Variants in PITPNC1 observed in about 807,000 individuals in gnomAD.
The protein encoded by PITPNC1 is cytoplasmic phosphatidylinositol transfer protein 1.
Under a neutral mutation model 44.7 loss-of-function variants are expected in PITPNC1, and 18 were observed. The ratio of observed to expected loss-of-function variants is 0.40; its 90% CI spans 0.28 to 0.60. The LOEUF is 0.60. Ranked by LOEUF, PITPNC1 falls within the 20% of genes least tolerant of loss-of-function variation. The probability of loss-of-function intolerance (pLI) is 0.39; values close to 1 mark genes in which losing one functional copy is unlikely to be tolerated. For synonymous variants in PITPNC1, 141 were observed against 149.6 expected, an observed-to-expected ratio of 0.94 and a Z score of 0.42; for missense variants, 290 against 418.4, an observed-to-expected ratio of 0.69 and a Z score of 2.68.
intron 6 of PITPNC1, among the ~76,000 whole-genome samples, chr17:67,636,276 C>T (rs1029410719): frequency 7.8e-6 from 1 of 128,384 alleles, no homozygotes; most frequent in African/African-American, 3.3e-5. Context: ...TGCGAGACTC[C>T]GTTTCAAAAA....
At chr17:67,664,633 G>A (rs762676184) in intron 6 of PITPNC1, among the ~76,000 whole-genome samples, 7 of 152,170 alleles carry the variant, frequency 4.6e-5, no homozygotes, top group Non-Finnish European at 8.8e-5. Flanking sequence ...GTCAGGCATG[G>A]TGGCTTACGC....
At position 67,492,467 on chromosome 17, in the gene PITPNC1, CT is replaced by C. The variant is rs143825092; in HGVS notation, c.49-40334del. ...AAAGAGGCAACAAACGGGTGGTCCC[CT>C]CGTGCCTTTGGAGGGAGCCTGGCCC... On this transcript the variant is annotated intron_variant, in intron 1 of 8. Coordinates refer to ENST00000581322, the MANE Select transcript of PITPNC1 (RefSeq NM_012417.4). Among the ~76,000 whole-genome samples, 724 of 152,272 alleles carry C rather than the reference CT, an allele frequency of 4.8e-3. 8 individuals carry two copies. The highest frequency in any genetic ancestry group is 0.016 in the African/African-American group (655 of 41,534).
At chr17:67,687,134 A>C (rs1361809634) in intron 8 of PITPNC1, 1 of 1,611,302 alleles carries the variant, frequency 6.2e-7, no homozygotes, top group East Asian at 2.2e-5. Context: ...AAAAGTTTGC[A>C]ATCAGCATTC....
At chr17:67,571,558 G>A (rs2041058282) in intron 4 of PITPNC1, among the ~76,000 whole-genome samples, 1 of 152,214 alleles carries the variant, frequency 6.6e-6, no homozygotes, top group Admixed American at 6.5e-5. Flanking sequence ...AGAAATCAAG[G>A]CATCAACCAA....
At chr17:67,423,271 C>T (rs1161165196) in intron 1 of PITPNC1, among the ~76,000 whole-genome samples, 1 of 152,168 alleles carries the variant, frequency 6.6e-6, no homozygotes, top group Non-Finnish European at 1.5e-5. Context: ...GCTTTCAAAT[C>T]ACTGGATACA....
chr17:67,615,656 G>A (rs1236882379), intron 5 of PITPNC1, among the ~76,000 whole-genome samples: 1 of 152,156 alleles, frequency 6.6e-6, no homozygotes, highest in Non-Finnish European at 1.5e-5. Flanking sequence ...TGAAAGGCTG[G>A]CCCGTGAGTG....
At chr17:67,614,564 C>T (rs2041732516) in intron 5 of PITPNC1, among the ~76,000 whole-genome samples, 1 of 150,062 alleles carries the variant, frequency 6.7e-6, no homozygotes, top group African/African-American at 2.5e-5. Context: ...CCCAGCTACT[C>T]GGGAGGCTGA....
intron 1 of PITPNC1, among the ~76,000 whole-genome samples, chr17:67,456,256 T>G (rs1376137419): frequency 6.6e-6 from 1 of 152,208 alleles, no homozygotes; most frequent in Non-Finnish European, 1.5e-5. Flanking sequence ...GTCTGGTACA[T>G]GTTTTCTAAT....
At chr17:67,380,368 C>T (rs1054193567) in intron 1 of PITPNC1, among the ~76,000 whole-genome samples, 9 of 152,168 alleles carry the variant, frequency 5.9e-5, no homozygotes, top group African/African-American at 1.9e-4. Flanking sequence ...AGCCACTGCG[C>T]CCAGCCAGCC....
chr17:67,617,764 C>G (rs1425617367), intron 5 of PITPNC1, among the ~76,000 whole-genome samples: 2 of 152,142 alleles, frequency 1.3e-5, no homozygotes, highest in South Asian at 2.1e-4. Flanking sequence ...CTTTCATCCC[C>G]CTGTGTGAAC....
intron 5 of PITPNC1, among the ~76,000 whole-genome samples, chr17:67,629,659 G>A (rs762004981): frequency 2.0e-5 from 3 of 152,140 alleles, no homozygotes; most frequent in Non-Finnish European, 4.4e-5. Context: ...AAGAAGGAGC[G>A]GGGGGGACTG....
At chr17:67,435,410 A>T (rs979153829) in intron 1 of PITPNC1, among the ~76,000 whole-genome samples, 1 of 152,192 alleles carries the variant, frequency 6.6e-6, no homozygotes, top group African/African-American at 2.4e-5. Context: ...CAGCAGGCAC[A>T]TGGATTCATT....
intron 5 of PITPNC1, among the ~76,000 whole-genome samples, chr17:67,598,850 G>A (rs970158209): frequency 6.6e-5 from 10 of 151,144 alleles, no homozygotes; most frequent in Non-Finnish European, 8.9e-5. Flanking sequence ...CCGAGATCAC[G>A]CCATTGCACT....
At chr17:67,455,931 A>G (rs2039248958) in intron 1 of PITPNC1, among the ~76,000 whole-genome samples, 1 of 152,214 alleles carries the variant, frequency 6.6e-6, no homozygotes, top group African/African-American at 2.4e-5. Flanking sequence ...ATTCAAATAT[A>G]TAAAACATGT....
rs545852727 is a variant in PITPNC1, at chr17:67,442,935, A to G, written c.48+64733A>G. The stretch of plus-strand genomic sequence containing the variant: ...AGGCACCCTCTTAAATTTTACACCT[A>G]GGCAATACCTCCAGCTCTCACACTA... On this transcript the variant is annotated intron_variant, in intron 1 of 8. Coordinates refer to ENST00000581322, the MANE Select transcript of PITPNC1 (RefSeq NM_012417.4). Among the ~76,000 whole-genome samples, 3 of 152,122 alleles carry G rather than the reference A, an allele frequency of 2.0e-5. No homozygotes were observed. In the East Asian group the frequency reaches 5.8e-4, roughly 29 times the overall value.
At position 67,607,416 on chromosome 17, in the gene PITPNC1, C is replaced by T. The variant is rs74318786; in HGVS notation, c.367-24727C>T. Among the ~76,000 whole-genome samples, 275 of 152,326 alleles carry T rather than the reference C, an allele frequency of 1.8e-3. 3 individuals are homozygous for T. In the East Asian group the frequency reaches 0.051, roughly 28 times the overall value. ...CAGTGCTGACTGCCCATAGCTTGACCGCTGCAGATGGACAGGGGGTGCTCT... is the reference window on the plus strand; with the variant it reads ...CAGTGCTGACTGCCCATAGCTTGACTGCTGCAGATGGACAGGGGGTGCTCT... On this transcript the variant is annotated intron_variant, in intron 5 of 8. Coordinates refer to ENST00000581322, the MANE Select transcript of PITPNC1 (RefSeq NM_012417.4).
rs200463268 is a variant in PITPNC1, at chr17:67,414,098, GA to G, written c.48+35909del. Among the ~76,000 whole-genome samples, 1,385 of 145,330 alleles carry G rather than the reference GA, an allele frequency of 9.5e-3. 13 individuals are homozygous for G. The highest frequency in any genetic ancestry group is 0.014 in the Non-Finnish European group (925 of 65,990). ...AATAAAAGGGAAATGAGTTTGAACTGAAAAAAAAAAAAATAGAGAGAATGGT... is the reference window on the plus strand; with the variant it reads ...AATAAAAGGGAAATGAGTTTGAACTGAAAAAAAAAAAATAGAGAGAATGGT... On this transcript the variant is annotated intron_variant, in intron 1 of 8. Transcript: ENST00000581322.
chr17:67,589,845 GT>G (rs1247410876), intron 5 of PITPNC1, among the ~76,000 whole-genome samples: 1 of 152,128 alleles, frequency 6.6e-6, no homozygotes, highest in Non-Finnish European at 1.5e-5. Flanking sequence ...GCACATGCCT[GT>G]AATCCCAGCT....
intron 1 of PITPNC1, among the ~76,000 whole-genome samples, chr17:67,519,566 A>C (rs1325180968): frequency 1.3e-5 from 2 of 152,316 alleles, no homozygotes; most frequent in East Asian, 3.9e-4. Flanking sequence ...TCAGGAGAGC[A>C]GGAGTTGACA....
Sources: allele counts gnomAD v4.1 joint callset (sites outside exome capture counted in the v4.1 genomes callset), GRCh38; gene constraint gnomAD v4.1.1; transcripts MANE v1.5; gene names NCBI Gene and HGNC (gene_info 2026-07-23, HGNC 2026-07-21).